TSHZ2: variants seen among roughly 807,000 people sequenced by gnomAD.
TSHZ2 encodes teashirt homolog 2.
Under a neutral mutation model 74.4 loss-of-function variants are expected in TSHZ2, and 21 were observed. The observed-to-expected ratio is 0.28, with a 90% CI of 0.20 to 0.41. The LOEUF is 0.41. Ranked by LOEUF, TSHZ2 falls within the 10% of genes least tolerant of loss-of-function variation. The pLI, the probability that TSHZ2 is intolerant of heterozygous loss-of-function variation, is 1.00. For synonymous variants in TSHZ2, 540 were observed against 515.3 expected (o/e 1.05, Z -0.65); for missense variants, 1,244 against 1,293.5 (o/e 0.96, Z 0.59).
At chr20:53,319,159 A>G (rs1979148304) in intron 2 of TSHZ2, among the ~76,000 whole-genome samples, 1 of 152,208 alleles carries the variant, frequency 6.6e-6, no homozygotes, top group Admixed American at 6.5e-5. Flanking sequence ...ACCATATCAT[A>G]TGCATTCACT....
chr20:53,128,871 C>T (rs906240202), intron 1 of TSHZ2, among the ~76,000 whole-genome samples: 4 of 152,284 alleles, frequency 2.6e-5, no homozygotes, highest in Admixed American at 2.6e-4. Context: ...CCAATCCCCT[C>T]GGCCTCCCAA....
intron 1 of TSHZ2, among the ~76,000 whole-genome samples, chr20:52,992,781 T>C (rs1194540846): frequency 6.6e-6 from 1 of 152,224 alleles, no homozygotes; most frequent in African/African-American, 2.4e-5. Context: ...TATCATCTTG[T>C]GACTAAGGTT....
chr20:52,986,701 C>T (rs958287836), intron 1 of TSHZ2, among the ~76,000 whole-genome samples: 3 of 152,116 alleles, frequency 2.0e-5, no homozygotes, highest in Non-Finnish European at 2.9e-5. Context: ...TGCACTCCAG[C>T]CTGGGCAACA....
In TSHZ2 at chr20:53,062,614, C is replaced by T. The variant is rs1042417616; in HGVS notation, c.40+89281C>T. Among the ~76,000 whole-genome samples the T allele has an allele frequency of 5.3e-5, 8 of 152,300 alleles. No individual in the cohort carries two copies. The South Asian group carries it at 1.2e-3, about 24-fold the overall frequency. ...TTCACAGAATTGAAGAGAGTTAGGG[C>T]CTTGCTCTGGATTAGGCTTTGGCTT... On this transcript the variant is annotated intron_variant, in intron 1 of 2. Coordinates refer to ENST00000371497, the MANE Select transcript of TSHZ2 (RefSeq NM_173485.6).
intron 1 of TSHZ2, among the ~76,000 whole-genome samples, chr20:53,062,941 G>A (rs2123171288): frequency 6.6e-6 from 1 of 152,118 alleles, no homozygotes; most frequent in East Asian, 1.9e-4. Context: ...AGAAGCCATG[G>A]CAGGGTTATT....
Position 53,254,831 on chromosome 20 carries a change from C to T in TSHZ2, c.1373C>T (p.Thr458Ile). ...NSASDCTASTTELKKESKKER... is the reference protein window; with the variant it reads ...NSASDCTASTIELKKESKKER... ...GCATCAGATTGTACAGCCTCTACAA[C>T]TGAGTTAAAGAAAGAGAGTAAAAAA... The change falls in exon 2 of 3, where the codon ACT becomes ATT. Residue 458 changes from threonine to isoleucine, a missense_variant. Thr to Ile is a moderately conservative substitution (Grantham distance 89). Around this residue, in one of 6 missense-constraint regions of TSHZ2, gnomAD observed 562 missense variants for 544.0 expected, o/e 1.03. Transcript: ENST00000371497. 1 of 1,613,860 alleles carries T rather than the reference C, an allele frequency of 6.2e-7. No homozygotes were observed. Among genetic ancestry groups the T allele is most frequent in the Non-Finnish European group, 8.5e-7 (1 of 1,179,962 alleles).
At chr20:53,419,683 T>G (rs1279951420) in intron 2 of TSHZ2, among the ~76,000 whole-genome samples, 1 of 152,162 alleles carries the variant, frequency 6.6e-6, no homozygotes, top group East Asian at 1.9e-4. Flanking sequence ...CAATAACAAA[T>G]AGTCTTCATT....
intron 2 of TSHZ2, among the ~76,000 whole-genome samples, chr20:53,362,008 C>T (rs962058791): frequency 6.6e-6 from 1 of 151,980 alleles, no homozygotes; most frequent in African/African-American, 2.4e-5. Context: ...CAACCTCCAC[C>T]TCCCAGATTC....
chr20:53,221,226 C>T (rs1322578846), intron 1 of TSHZ2, among the ~76,000 whole-genome samples: 1 of 152,176 alleles, frequency 6.6e-6, no homozygotes, highest in Non-Finnish European at 1.5e-5. Flanking sequence ...TGAGGCCCCC[C>T]CCGCCATGTA....
chr20:53,140,909 C>T (rs1011688406), intron 1 of TSHZ2, among the ~76,000 whole-genome samples: 30 of 152,176 alleles, frequency 2.0e-4, no homozygotes, highest in Admixed American at 1.6e-3. Flanking sequence ...TTCCCAAACC[C>T]GTATCTTGCC....
At chr20:53,273,297 TTC>T (rs1367178607) in intron 2 of TSHZ2, 1 of 144,918 alleles carries the variant, frequency 6.9e-6, no homozygotes, top group African/African-American at 2.6e-5. Flanking sequence ...ATGATCTACT[TTC>T]TTTCTTTTTT....
intron 2 of TSHZ2, among the ~76,000 whole-genome samples, chr20:53,339,266 C>T (rs1980080645): frequency 6.6e-6 from 1 of 152,156 alleles, no homozygotes; most frequent in South Asian, 2.1e-4. Flanking sequence ...ACAGCTAATA[C>T]CAGGCCCTAT....
intron 1 of TSHZ2, among the ~76,000 whole-genome samples, chr20:53,205,210 G>A (rs1225962856): frequency 2.6e-5 from 4 of 152,146 alleles, no homozygotes; most frequent in Admixed American, 2.6e-4. Flanking sequence ...TAACCACTGT[G>A]CTAAGCAAGA....
chr20:53,104,852 T>C (rs2123303700), intron 1 of TSHZ2, among the ~76,000 whole-genome samples: 1 of 152,304 alleles, frequency 6.6e-6, no homozygotes, highest in Non-Finnish European at 1.5e-5. Flanking sequence ...GCAATTACCG[T>C]TGCCCCATCC....
chr20:53,398,057 C>T (rs1307740320), intron 2 of TSHZ2: 2 of 151,876 alleles, frequency 1.3e-5, no homozygotes, highest in Admixed American at 1.3e-4. Context: ...TGCAGCACAC[C>T]AACATGACAC....
rs1405709076 is a variant in TSHZ2, at chr20:53,390,905, C to G, written c.*9-96239C>G. 3.3e-5 allele frequency among the ~76,000 whole-genome samples: 5 copies of G among 152,208 alleles called. No individual in the cohort carries two copies. In the East Asian group the frequency reaches 9.6e-4, roughly 29 times the overall value. On this transcript the variant is annotated intron_variant, in intron 2 of 2. Transcript: ENST00000371497. ...TTGGCCAGCAAAATTTGTTAAGGGA[C>G]CAGAGAGTAAATATTTTTAGCTTTG...
intron 1 of TSHZ2, among the ~76,000 whole-genome samples, chr20:53,125,603 T>G (rs2123366436): frequency 6.6e-6 from 1 of 152,280 alleles, no homozygotes; most frequent in South Asian, 2.1e-4. Flanking sequence ...TCTTAAGTAT[T>G]TTATACTATC....
chr20:52,996,109 AAG>A (rs1424031670), intron 1 of TSHZ2, among the ~76,000 whole-genome samples: 7 of 152,252 alleles, frequency 4.6e-5, no homozygotes, highest in South Asian at 2.1e-4. Flanking sequence ...TCTTTGGAGA[AAG>A]AGATATATTC....
chr20:53,288,062 A>C (rs2145450283), intron 2 of TSHZ2, among the ~76,000 whole-genome samples: 1 of 152,238 alleles, frequency 6.6e-6, no homozygotes, highest in South Asian at 2.1e-4. Flanking sequence ...TAATGTAAAA[A>C]TCTGCCTTTA....
Sources: gnomAD v4.1 joint callset for allele counts (sites outside exome capture counted in the v4.1 genomes callset) on GRCh38, gnomAD v4.1.1 for gene constraint, gnomAD v4.1.1 regional missense constraint, MANE v1.5 for transcripts, NCBI Gene and HGNC (gene_info 2026-07-23, HGNC 2026-07-21) for gene names.